RABEP1: variants seen among roughly 807,000 people sequenced by gnomAD.
RABEP1 encodes the protein rabaptin, RAB GTPase binding effector protein 1.
In RABEP1, 51 loss-of-function variants were observed where a neutral mutation model predicts 123.4. That is an observed-to-expected ratio of 0.41 (90% CI 0.33 to 0.52). The LOEUF (loss-of-function observed/expected upper bound fraction) is 0.52. Among genes scored for constraint, RABEP1 ranks in the 20% least tolerant of loss-of-function variants. The pLI is 0.16. For synonymous variants in RABEP1, 347 were observed against 355.2 expected (o/e 0.98, Z 0.26); for missense variants, 888 against 996.3 (o/e 0.89, Z 1.46).
rs114993922 is a variant in RABEP1 at position 5,385,059 on chromosome 17, G to C, written c.*1836G>C. On this transcript the variant is annotated 3_prime_UTR_variant, in exon 18 of 18. Transcript: ENST00000537505. ...ACCTTACAGATATTTTTCTCCAGAA[G>C]ATGGTGCTGGGTAATAAAATCATCA... The C allele has an allele frequency of 4.9e-3, 1,125 of 229,084 alleles. 11 individuals carry two copies. The highest frequency in any genetic ancestry group is 0.02 in the African/African-American group (904 of 45,274). 14.2% of individuals were successfully genotyped at this position (229,084 alleles called of 1,614,324 possible). A position where few individuals can be genotyped will look rare whatever the true frequency, so the allele number is the denominator to read the frequency against.
chr17:5,311,709 A>AAC (rs1050008626), intron 2 of RABEP1, among the ~76,000 whole-genome samples: 6 of 151,132 alleles, frequency 4.0e-5, no homozygotes, highest in African/African-American at 1.5e-4. Context: ...AAAAAAAAAA[A>AAC]AAAAAAAAAA....
In RABEP1 at chr17:5,331,944, T is replaced by C; in HGVS notation, c.164-5T>C. 2 of 1,613,616 alleles carry C rather than the reference T, an allele frequency of 1.2e-6. No individual in the cohort carries two copies. The highest frequency in any genetic ancestry group is 1.7e-6 in the Non-Finnish European group (2 of 1,179,636). On this transcript the variant is annotated splice_region_variant and splice_polypyrimidine_tract_variant and intron_variant, in intron 2 of 17. Transcript: ENST00000537505. ...TAATGGACTATCTTTTACTTTTCTC[T>C]CCAGAGGATCTGAAGAGGCAAAATG...
rs536221369 is a variant in RABEP1 at position 5,335,562 on chromosome 17, T to G, written c.528+218T>G. Among the ~76,000 whole-genome samples the G allele has an allele frequency of 3.7e-4, 57 of 152,216 alleles. No homozygotes were observed. The South Asian group carries it at 4.4e-3, about 12-fold the overall frequency. On this transcript the variant is annotated intron_variant, in intron 4 of 17. Coordinates refer to ENST00000537505, the MANE Select transcript of RABEP1 (RefSeq NM_004703.6). ...ATCAAATATCACTACTTCATGGGGT[T>G]TTTCCCGACCACCCGCCATTTAACA...
intron 9 of RABEP1, chr17:5,362,016 A>T (rs918598037): frequency 3.4e-5 from 7 of 208,642 alleles, no homozygotes; most frequent in African/African-American, 1.6e-4. Flanking sequence ...CTATAATCTC[A>T]GTGTATTGCA....
chr17:5,327,145 C>T (rs1301760602), intron 2 of RABEP1, among the ~76,000 whole-genome samples: 1 of 152,098 alleles, frequency 6.6e-6, no homozygotes, highest in Non-Finnish European at 1.5e-5. Context: ...GTCAGGAGTT[C>T]GAGATCAGCC....
chr17:5,329,019 C>CTTT (rs760060600), intron 2 of RABEP1, among the ~76,000 whole-genome samples: 4,860 of 110,570 alleles, frequency 0.044, 413 homozygotes, highest in African/African-American at 0.094. Context: ...TTCAGAAAGA[C>CTTT]TTTTTTTTTT....
At chr17:5,319,645 G>A (rs759194473) in intron 2 of RABEP1, among the ~76,000 whole-genome samples, 7 of 152,064 alleles carry the variant, frequency 4.6e-5, no homozygotes, top group African/African-American at 7.2e-5. Flanking sequence ...TTACAGGCGT[G>A]AGCTACCACA....
At chr17:5,282,564 G>T in intron 1 of RABEP1, 44 bp downstream of exon 1, 1 of 1,126,580 alleles carries the variant, frequency 8.9e-7, no homozygotes, top group South Asian at 4.4e-5. Context: ...CGGCCTGCCC[G>T]GCGTCGGCGT....
At chr17:5,336,570 GT>G in intron 4 of RABEP1, 1 of 417,078 alleles carries the variant, frequency 2.4e-6, no homozygotes, top group Non-Finnish European at 4.6e-6. Context: ...GATTTTTCTT[GT>G]TTTTAATGAC....
rs1907329304 is a variant in RABEP1, at chr17:5,338,884, T to G, written c.648+746T>G. On this transcript the variant is annotated intron_variant, in intron 5 of 17. Coordinates refer to ENST00000537505, the MANE Select transcript of RABEP1 (RefSeq NM_004703.6). ...AATTAAAGTAGGAACAGGCCAGGTG[T>G]TGTGGCTCACACCTGTAATCCCAAT... 2.0e-5 allele frequency among the ~76,000 whole-genome samples: 3 copies of G among 152,060 alleles called. No individual in the cohort carries two copies. The South Asian group carries it at 6.2e-4, about 32-fold the overall frequency.
In RABEP1 at chr17:5,365,182, G is replaced by A; in HGVS notation, c.1729G>A (p.Asp577Asn). ...TGACCAGTTAGAGAAGACAATGAAA[G>A]ATAAGCAGGAGCTGGAAGACTTCAT... ...ANDQLEKTMK[D>N]KQELEDFIKQ... The change falls in exon 11 of 18, where the codon GAT (aspartate) becomes AAT (asparagine). Residue 577 changes from aspartate to asparagine, a missense_variant. Coordinates refer to ENST00000537505, the MANE Select transcript of RABEP1 (RefSeq NM_004703.6). 1 of 1,611,784 alleles carries A rather than the reference G, an allele frequency of 6.2e-7. No homozygotes were observed. Among genetic ancestry groups the A allele is most frequent in the Admixed American group, 1.7e-5 (1 of 59,526 alleles).
intron 5 of RABEP1, among the ~76,000 whole-genome samples, chr17:5,344,537 C>T (rs540890993): frequency 4.0e-4 from 61 of 152,052 alleles, no homozygotes; most frequent in African/African-American, 1.4e-3. Flanking sequence ...CTTTGGGAGG[C>T]CGAGGCGGGC....
intron 11 of RABEP1, among the ~76,000 whole-genome samples, chr17:5,365,849 G>A (rs919469750): frequency 2.0e-5 from 3 of 152,238 alleles, no homozygotes; most frequent in Non-Finnish European, 4.4e-5. Context: ...GATGCACGGA[G>A]TGTTTGTTCA....
chr17:5,286,519 A>G lies in RABEP1; in HGVS notation c.34+3999A>G, dbSNP rs571667262. On this transcript the variant is annotated intron_variant, in intron 1 of 17. Coordinates refer to ENST00000537505, the MANE Select transcript of RABEP1 (RefSeq NM_004703.6). ...AAAAAAAAAAGAGTTGTATTGTTCA[A>G]TTAACAAGTATTTGTGTGCCTATTC... is the stretch of plus-strand genomic sequence containing the variant. Among the ~76,000 whole-genome samples the G allele has an allele frequency of 1.5e-4, 23 of 152,136 alleles. No individual in the cohort carries two copies. In the South Asian group the frequency reaches 3.5e-3, roughly 23 times the overall value.
chr17:5,292,239 A>G (rs2075040470), intron 1 of RABEP1, among the ~76,000 whole-genome samples: 2 of 151,994 alleles, frequency 1.3e-5, no homozygotes, highest in South Asian at 2.1e-4. Context: ...ATGGTATCTG[A>G]CTGATTTTAG....
At chr17:5,313,730 A>G (rs1380353413) in intron 2 of RABEP1, among the ~76,000 whole-genome samples, 1 of 152,096 alleles carries the variant, frequency 6.6e-6, no homozygotes, top group East Asian at 1.9e-4. Context: ...CGCTCAGTAA[A>G]CTCAGTTGGC....
chr17:5,319,333 AAAAAAAAAC>A (rs2075329487), intron 2 of RABEP1, among the ~76,000 whole-genome samples: 1 of 118,506 alleles, frequency 8.4e-6, no homozygotes. Flanking sequence ...GTCTCAAAAA[AAAAAAAAAC>A]AAAAAAACAA....
intron 1 of RABEP1, among the ~76,000 whole-genome samples, chr17:5,298,940 C>A (rs1411487560): frequency 2.0e-5 from 3 of 152,170 alleles, no homozygotes; most frequent in Non-Finnish European, 2.9e-5. Flanking sequence ...CAGGCGTGAG[C>A]CACTGTGCCC....
rs779859208 is a variant in RABEP1 at position 5,362,941 on chromosome 17, A to G, written c.1593A>G (p.Arg531=). ...EVHNAGNKLG[R]RCDMCSNYEK... Reference sequence around the variant, plus strand: ...ATAATGCTGGAAATAAACTTGGTAGACGTTGTGATATGTGTTCCAATTACG... The same window carrying G: ...ATAATGCTGGAAATAAACTTGGTAGGCGTTGTGATATGTGTTCCAATTACG... The change falls in exon 10 of 18, where the codon AGA becomes AGG. Residue 531 remains arginine, a synonymous_variant. Coordinates refer to ENST00000537505, the MANE Select transcript of RABEP1 (RefSeq NM_004703.6). 3.1e-6 allele frequency: 5 copies of G among 1,613,940 alleles called. No individual in the cohort carries two copies. The South Asian group carries it at 5.5e-5, about 18-fold the overall frequency.
Sources: allele counts gnomAD v4.1 joint callset (sites outside exome capture counted in the v4.1 genomes callset), GRCh38; gene constraint gnomAD v4.1.1; transcripts MANE v1.5; gene names NCBI Gene and HGNC (gene_info 2026-07-23, HGNC 2026-07-21).